The following UNC13C variants were observed in gnomAD, a reference collection of about 807,000 sequenced individuals.
The protein encoded by UNC13C is protein unc-13 homolog C.
In UNC13C, 174 loss-of-function variants were observed where a neutral mutation model predicts 245.4. The observed-to-expected ratio is 0.71, with a 90% CI of 0.63 to 0.80. The LOEUF (loss-of-function observed/expected upper bound fraction) is 0.80. UNC13C is among the 30% of genes least tolerant of loss of function. The pLI is 0.00. For missense variants in UNC13C, 2,829 were observed against 2,602.9 expected, an observed-to-expected ratio of 1.09 and a Z score of -1.89; for synonymous variants, 992 against 895.1, an observed-to-expected ratio of 1.11 and a Z score of -1.93.
chr15:54,246,843 A>C (rs2036005784), intron 7 of UNC13C, among the ~76,000 whole-genome samples: 1 of 152,102 alleles, frequency 6.6e-6, no homozygotes, highest in Non-Finnish European at 1.5e-5. Flanking sequence ...TGTGCAACAA[A>C]CCACCATGGC....
intron 19 of UNC13C, among the ~76,000 whole-genome samples, chr15:54,474,588 T>A: frequency 6.6e-6 from 1 of 152,174 alleles, no homozygotes; most frequent in East Asian, 1.9e-4. Context: ...CTGGATATTA[T>A]TTTTGTCAGA....
intron 17 of UNC13C, among the ~76,000 whole-genome samples, chr15:54,360,593 G>C (rs2140862929): frequency 6.6e-6 from 1 of 152,104 alleles, no homozygotes; most frequent in Non-Finnish European, 1.5e-5. Context: ...TGTTTTATCT[G>C]ATATAAGCAA....
chr15:54,339,026 C>G (rs1035771928), intron 17 of UNC13C, among the ~76,000 whole-genome samples: 4 of 152,116 alleles, frequency 2.6e-5, no homozygotes, highest in Admixed American at 2.6e-4. Flanking sequence ...GCCAGCATTC[C>G]CAGCTAATTT....
At chr15:54,218,771 T>C (rs999864174) in intron 4 of UNC13C, among the ~76,000 whole-genome samples, 2 of 151,796 alleles carry the variant, frequency 1.3e-5, no homozygotes, top group African/African-American at 4.8e-5. Context: ...ATGCAAGAAG[T>C]GGAATAGGGC....
chr15:54,294,307 G>A lies in UNC13C; in HGVS notation c.3988+243G>A, dbSNP rs538390259. Among the ~76,000 whole-genome samples, 319 of 152,162 alleles carry A rather than the reference G, an allele frequency of 2.1e-3. 1 individual carries two copies. The Middle Eastern group carries it at 0.041, about 19-fold the overall frequency. ...CCAAGAACTACCTAGATGTCTTTTA[G>A]AGAAAAATGTTATTGCATTCTTAAT... On this transcript the variant is annotated intron_variant, in intron 11 of 32. Transcript: ENST00000260323.
In UNC13C at chr15:54,414,977, T is replaced by G; in HGVS notation, c.4848-5T>G. On this transcript the variant is annotated splice_region_variant and splice_polypyrimidine_tract_variant and intron_variant, in intron 18 of 32. Coordinates refer to ENST00000260323, the MANE Select transcript of UNC13C (RefSeq NM_001080534.3). Reference sequence around the variant, plus strand: ...CATACACTAATACAATGTGTTTGGTTTTAGGTTTCCTCAAGAGCTGAACAT... The same window carrying G: ...CATACACTAATACAATGTGTTTGGTGTTAGGTTTCCTCAAGAGCTGAACAT... 6.2e-7 allele frequency: 1 copy of G among 1,611,134 alleles called. No individual in the cohort carries two copies. The highest frequency in any genetic ancestry group is 8.5e-7 in the Non-Finnish European group (1 of 1,178,684).
chr15:54,542,600 G>A (rs974920144), intron 26 of UNC13C, among the ~76,000 whole-genome samples: 1 of 152,136 alleles, frequency 6.6e-6, no homozygotes, highest in African/African-American at 2.4e-5. Context: ...ACAGTAGGGT[G>A]TTAAAGTCTC....
intron 10 of UNC13C, among the ~76,000 whole-genome samples, chr15:54,283,339 A>G (rs140741343): frequency 4.6e-5 from 7 of 152,294 alleles, no homozygotes; most frequent in Non-Finnish European, 1.0e-4. Context: ...AGACATAAAT[A>G]TATATACAAA....
At chr15:53,953,555 A>G in the UNC13C span, among the ~76,000 whole-genome samples, 1,519 of 152,314 alleles carry the variant, frequency 1.0e-2, 33 homozygotes, top group African/African-American at 0.034. Flanking sequence ...TAAAGCTTGA[A>G]CCAGTTTGCT....
intron 17 of UNC13C, among the ~76,000 whole-genome samples, chr15:54,389,964 G>C (rs1420562213): frequency 1.3e-5 from 2 of 151,894 alleles, no homozygotes; most frequent in East Asian, 3.9e-4. Flanking sequence ...CCTGACTTCA[G>C]GTAATCCACC....
At chr15:54,136,580 A>G (rs1274383372) in intron 2 of UNC13C, among the ~76,000 whole-genome samples, 1 of 151,952 alleles carries the variant, frequency 6.6e-6, no homozygotes, top group Admixed American at 6.6e-5. Flanking sequence ...TTCTAGTACT[A>G]TGCTGGATAG....
intron 18 of UNC13C, among the ~76,000 whole-genome samples, chr15:54,394,743 C>G (rs940625029): frequency 7.9e-5 from 12 of 151,676 alleles, no homozygotes; most frequent in African/African-American, 2.9e-4. Context: ...TTATGTTTAC[C>G]AAGTATCTTA....
chr15:54,445,272 A>G (rs1481451847), intron 19 of UNC13C, among the ~76,000 whole-genome samples: 1 of 152,072 alleles, frequency 6.6e-6, no homozygotes, highest in Non-Finnish European at 1.5e-5. Context: ...GCCGCAATAA[A>G]CATACATGTG....
chr15:53,975,611 A>G (rs1345392586), upstream of UNC13C, among the ~76,000 whole-genome samples: 1 of 152,192 alleles, frequency 6.6e-6, no homozygotes, highest in Non-Finnish European at 1.5e-5. Context: ...CCATGACACA[A>G]TTCTACAAGA....
Position 53,978,694 on chromosome 15 carries a change from T to C in UNC13C, c.-490T>C, listed in dbSNP as rs1056486389. Among the ~76,000 whole-genome samples, 2 of 152,056 alleles carry C rather than the reference T, an allele frequency of 1.3e-5. No homozygotes were observed. The highest frequency in any genetic ancestry group is 4.8e-5 in the African/African-American group (2 of 41,388). On this transcript the variant is annotated 5_prime_UTR_variant, in exon 1 of 33. Transcript: ENST00000260323. The stretch of plus-strand genomic sequence containing the variant: ...GAGGCTACCCGGGAGTGCGATAGAA[T>C]TGACAAGAAAAGAACAGACACCGTT...
intron 2 of UNC13C, among the ~76,000 whole-genome samples, chr15:54,053,705 T>C (rs888028449): frequency 6.6e-6 from 1 of 152,158 alleles, no homozygotes; most frequent in African/African-American, 2.4e-5. Context: ...GTAGTCCCTT[T>C]GTTGTGCTAT....
At chr15:54,303,417 T>A (rs768073990) in intron 13 of UNC13C, among the ~76,000 whole-genome samples, 5 of 152,122 alleles carry the variant, frequency 3.3e-5, no homozygotes, top group Non-Finnish European at 5.9e-5. Flanking sequence ...TAAGTTAAAT[T>A]TATTCTAAAA....
intron 28 of UNC13C, among the ~76,000 whole-genome samples, chr15:54,553,685 G>T (rs1457756917): frequency 1.3e-5 from 2 of 150,914 alleles, no homozygotes; most frequent in Admixed American, 6.7e-5. Context: ...ATAACTCATT[G>T]CTGGCCTCTT....
At chr15:53,959,901 C>A in the UNC13C span, among the ~76,000 whole-genome samples, 4 of 152,228 alleles carry the variant, frequency 2.6e-5, no homozygotes, top group East Asian at 7.7e-4. Context: ...CAGATTTTTA[C>A]AAATCGCATT....
Sources: allele counts gnomAD v4.1 joint callset (sites outside exome capture counted in the v4.1 genomes callset), GRCh38; gene constraint gnomAD v4.1.1; transcripts MANE v1.5; gene names NCBI Gene and HGNC (gene_info 2026-07-23, HGNC 2026-07-21).